BMPR2: variants seen among roughly 807,000 people sequenced by gnomAD.
BMPR2 encodes bone morphogenetic protein receptor type 2.
In BMPR2, 29 loss-of-function variants were observed where a neutral mutation model predicts 100.8. The observed-to-expected ratio is 0.29, with a 90% CI of 0.21 to 0.39. The LOEUF (loss-of-function observed/expected upper bound fraction) is 0.39. BMPR2 is among the 10% of genes least tolerant of loss of function. BMPR2 has a pLI of 1.00. For synonymous variants in BMPR2, 382 were observed against 442.3 expected, an observed-to-expected ratio of 0.86 and a Z score of 1.71; for missense variants, 1,011 against 1,274.5, an observed-to-expected ratio of 0.79 and a Z score of 3.15.
At chr2:202,547,533 A>C (rs1439195757) in intron 10 of BMPR2, among the ~76,000 whole-genome samples, 1 of 152,200 alleles carries the variant, frequency 6.6e-6, no homozygotes, top group Non-Finnish European at 1.5e-5. Flanking sequence ...CTGTAATCCC[A>C]GCACTTTGGG....
At chr2:202,421,131 A>T (rs1292240652) in intron 1 of BMPR2, among the ~76,000 whole-genome samples, 2 of 151,734 alleles carry the variant, frequency 1.3e-5, no homozygotes, top group African/African-American at 4.8e-5. Flanking sequence ...CACGACTATA[A>T]TCCCAGGTAC....
intron 9 of BMPR2, among the ~76,000 whole-genome samples, chr2:202,541,642 C>A (rs1253379099): frequency 3.3e-5 from 5 of 152,146 alleles, no homozygotes; most frequent in Non-Finnish European, 5.9e-5. Context: ...TACCCGCCTC[C>A]ATGGGATCAG....
chr2:202,408,876 A>G (rs1690953688), intron 1 of BMPR2, among the ~76,000 whole-genome samples: 1 of 152,182 alleles, frequency 6.6e-6, no homozygotes, highest in Non-Finnish European at 1.5e-5. Flanking sequence ...CTGTTGCTTT[A>G]TCTGCTTTGT....
chr2:202,558,680 G>A lies in BMPR2; in HGVS notation c.2867-1016G>A, dbSNP rs541573986. ...AGGCTGAGGCGGGCGGATCACCTGA[G>A]GTCGGGAGTTCGAGACCAACCTGAC... is the stretch of plus-strand genomic sequence containing the variant. On this transcript the variant is annotated intron_variant, in intron 12 of 12. Coordinates refer to ENST00000374580, the MANE Select transcript of BMPR2 (RefSeq NM_001204.7). Among the ~76,000 whole-genome samples, 16 of 151,730 alleles carry A rather than the reference G, an allele frequency of 1.1e-4. No individual in the cohort carries two copies. The East Asian group carries it at 3.2e-3, about 30-fold the overall frequency.
intron 3 of BMPR2, among the ~76,000 whole-genome samples, chr2:202,477,831 TC>T (rs1457908964): frequency 9.9e-5 from 15 of 152,116 alleles, no homozygotes; most frequent in Non-Finnish European, 2.1e-4. Flanking sequence ...AGGAAGTTGT[TC>T]CTGAAAAACC....
intron 1 of BMPR2, among the ~76,000 whole-genome samples, chr2:202,452,257 C>T (rs185360645): frequency 6.6e-6 from 1 of 152,098 alleles, no homozygotes; most frequent in Non-Finnish European, 1.5e-5. Context: ...TCTATATGCA[C>T]TTGTGTGTGA....
At chr2:202,447,176 C>T (rs1691865848) in intron 1 of BMPR2, among the ~76,000 whole-genome samples, 1 of 149,786 alleles carries the variant, frequency 6.7e-6, no homozygotes, top group Non-Finnish European at 1.5e-5. Flanking sequence ...GACATGGTGG[C>T]AGATGCCTGT....
chr2:202,386,202 C>T (rs540679573), intron 1 of BMPR2, among the ~76,000 whole-genome samples: 73 of 152,254 alleles, frequency 4.8e-4, no homozygotes, highest in South Asian at 2.7e-3. Flanking sequence ...CATCTAAAGG[C>T]GTACAAGTTT....
At chr2:202,450,722 A>G (rs969541001) in intron 1 of BMPR2, among the ~76,000 whole-genome samples, 8 of 151,578 alleles carry the variant, frequency 5.3e-5, no homozygotes, top group African/African-American at 1.9e-4. Flanking sequence ...AGATTTCACC[A>G]TAAGATTGGG....
In BMPR2 at chr2:202,413,955, C is replaced by T. The variant is rs548390569; in HGVS notation, c.76+36405C>T. ...CTGGGATTACAGGCATGAGCCACCA[C>T]GCCCAACCTTATATTATTAATATAT... On this transcript the variant is annotated intron_variant, in intron 1 of 12. Transcript: ENST00000374580. Among the ~76,000 whole-genome samples, 11 of 152,280 alleles carry T rather than the reference C, an allele frequency of 7.2e-5. No individual in the cohort carries two copies. In the South Asian group the frequency reaches 1.7e-3, roughly 23 times the overall value.
chr2:202,378,610 C>A (rs1461882859), intron 1 of BMPR2, among the ~76,000 whole-genome samples: 1 of 151,996 alleles, frequency 6.6e-6, no homozygotes, highest in Non-Finnish European at 1.5e-5. Context: ...TTTGAAGTTT[C>A]CTTTTATGCT....
intron 1 of BMPR2, among the ~76,000 whole-genome samples, chr2:202,414,276 T>G (rs1691078154): frequency 6.6e-6 from 1 of 152,214 alleles, no homozygotes; most frequent in African/African-American, 2.4e-5. Context: ...CACACCCATA[T>G]AAAATGGCAA....
intron 10 of BMPR2, among the ~76,000 whole-genome samples, chr2:202,544,150 A>C (rs560150764): frequency 3.3e-5 from 5 of 152,138 alleles, no homozygotes; most frequent in Non-Finnish European, 7.3e-5. Flanking sequence ...TCAAAAAAAA[A>C]CAAAAAAAAA....
rs1415568052 is a variant in BMPR2 at position 202,518,827 on chromosome 2, T to A, written c.627T>A (p.Ile209=). 1.9e-6 allele frequency: 3 copies of A among 1,614,132 alleles called. No homozygotes were observed. Among genetic ancestry groups the A allele is most frequent in the South Asian group, 2.2e-5 (2 of 91,084 alleles). ...DLDNLKLLEL[I]GRGRYGAVYK... ...TTTCTTTAAAACACTTGCAGCTGAT[T>A]GGCCGAGGTCGATATGGAGCAGTAT... The change falls in exon 6 of 13, where the codon ATT becomes ATA. Residue 209 remains isoleucine (I), a synonymous_variant. Coordinates refer to ENST00000374580, the MANE Select transcript of BMPR2 (RefSeq NM_001204.7).
chr2:202,498,727 C>G (rs1227133380), intron 3 of BMPR2, among the ~76,000 whole-genome samples: 1 of 152,126 alleles, frequency 6.6e-6, no homozygotes, highest in Non-Finnish European at 1.5e-5. Context: ...AGAGGCGGCT[C>G]ATTTTTTTCT....
At chr2:202,388,238 A>G (rs778788833) in intron 1 of BMPR2, among the ~76,000 whole-genome samples, 52 of 151,540 alleles carry the variant, frequency 3.4e-4, no homozygotes, top group Admixed American at 6.6e-4. Context: ...CTCTACTGAA[A>G]ATACAAAAAT....
In BMPR2 at chr2:202,555,759, A is replaced by C; in HGVS notation, c.2094A>C (p.Pro698=). ...HSLKQFSGPD[P]LSSTSSSLLY... ...TTAAACAGTTCAGTGGCCCAGACCC[A>C]CTGAGCAGTACTAGTTCTAGCTTGC... The change falls in exon 12 of 13, where the codon CCA becomes CCC. Residue 698 remains proline, a synonymous_variant. Coordinates refer to ENST00000374580, the MANE Select transcript of BMPR2 (RefSeq NM_001204.7). The C allele has an allele frequency of 1.2e-6, 2 of 1,614,132 alleles. No individual in the cohort carries two copies. Among genetic ancestry groups the C allele is most frequent in the South Asian group, 1.1e-5 (1 of 91,076 alleles).
intron 1 of BMPR2, among the ~76,000 whole-genome samples, chr2:202,458,746 T>G (rs755207407): frequency 3.3e-5 from 5 of 152,226 alleles, no homozygotes; most frequent in Non-Finnish European, 5.9e-5. Context: ...CATTTGGGAC[T>G]TCAATTTGTA....
Position 202,437,312 on chromosome 2 carries a change from C to A in BMPR2, c.77-27497C>A, listed in dbSNP as rs1045535604. On this transcript the variant is annotated intron_variant, in intron 1 of 12. Coordinates refer to ENST00000374580, the MANE Select transcript of BMPR2 (RefSeq NM_001204.7). ...AGCCACTGCGCCCAGCCAAAAAACTCTAAATTTACCTCTTTAGGAATTTCA... is the reference window on the plus strand; with the variant it reads ...AGCCACTGCGCCCAGCCAAAAAACTATAAATTTACCTCTTTAGGAATTTCA... 8.0e-5 allele frequency among the ~76,000 whole-genome samples: 12 copies of A among 150,708 alleles called. 1 individual carries two copies. The highest frequency in any genetic ancestry group is 3.0e-4 in the African/African-American group (12 of 40,058).
Sources: allele counts gnomAD v4.1 joint callset (sites outside exome capture counted in the v4.1 genomes callset), GRCh38; gene constraint gnomAD v4.1.1; transcripts MANE v1.5; gene names NCBI Gene and HGNC (gene_info 2026-07-23, HGNC 2026-07-21).